Variants in STAG1 observed in about 807,000 individuals in gnomAD.
STAG1 encodes STAG1 cohesin complex component, also known as cohesin subunit SA-1.
Under a neutral mutation model 170.9 loss-of-function variants are expected in STAG1, and 26 were observed. That is an observed-to-expected ratio of 0.15 (90% confidence interval 0.11 to 0.21). STAG1 has a LOEUF of 0.21. STAG1 is among the 10% of genes least tolerant of loss of function. STAG1 has a pLI of 1.00. For synonymous variants in STAG1, 514 were observed against 497.7 expected (o/e 1.03, Z -0.44); for missense variants, 964 against 1,509.5 (o/e 0.64, Z 5.99).
At chr3:136,412,209 A>T (rs1451908585) in intron 21 of STAG1, among the ~76,000 whole-genome samples, 2 of 152,162 alleles carry the variant, frequency 1.3e-5, no homozygotes, top group Non-Finnish European at 2.9e-5. Flanking sequence ...TTTTTTTAAA[A>T]GGAATTCAGA....
At chr3:136,575,639 T>C (rs1264956896) in intron 4 of STAG1, among the ~76,000 whole-genome samples, 1 of 152,216 alleles carries the variant, frequency 6.6e-6, no homozygotes. Flanking sequence ...GCTATAGCTT[T>C]AGAACATCTG....
intron 1 of STAG1, among the ~76,000 whole-genome samples, chr3:136,733,667 G>C (rs1217681211): frequency 6.6e-6 from 1 of 152,218 alleles, no homozygotes; most frequent in Non-Finnish European, 1.5e-5. Context: ...TGCTTCATCT[G>C]TGAACACATG....
Position 136,396,221 on chromosome 3 carries a change from T to TTTG in STAG1, c.2277+2527_2277+2528insCAA, listed in dbSNP as rs2087150123. 1.4e-5 allele frequency among the ~76,000 whole-genome samples: 2 copies of TTTG among 144,890 alleles called. 1 individual carries two copies. The highest frequency in any genetic ancestry group is 4.6e-4 in the South Asian group (2 of 4,350). On this transcript the variant is annotated intron_variant, in intron 22 of 33. Coordinates refer to ENST00000383202, the MANE Select transcript of STAG1 (RefSeq NM_005862.3). ...CCAGTGTAACACAGTTTTTTTTTTT[T>TTTG]TTTTTTTTTTTTGAGACAGAGTCTC...
intron 13 of STAG1, among the ~76,000 whole-genome samples, chr3:136,454,714 A>T (rs751350681): frequency 6.6e-6 from 1 of 152,186 alleles, no homozygotes; most frequent in Non-Finnish European, 1.5e-5. Flanking sequence ...TATTGCATAT[A>T]AATAAGGTAT....
At chr3:136,565,011 A>AAGGCAGGCAGGC (rs1553746573) in intron 5 of STAG1, among the ~76,000 whole-genome samples, 22 of 45,426 alleles carry the variant, frequency 4.8e-4, no homozygotes, top group Non-Finnish European at 7.2e-4. Flanking sequence ...GGAAGGAAGG[A>AAGGCAGGCAGGC]AGGCAGGCAG....
At chr3:136,444,727 G>A (rs2088727160) in intron 14 of STAG1, among the ~76,000 whole-genome samples, 1 of 152,168 alleles carries the variant, frequency 6.6e-6, no homozygotes, top group African/African-American at 2.4e-5. Context: ...CTCATCATAA[G>A]TAGTGGCCCA....
chr3:136,452,615 A>T (rs922210207), intron 13 of STAG1, among the ~76,000 whole-genome samples: 2 of 151,986 alleles, frequency 1.3e-5, no homozygotes, highest in Non-Finnish European at 2.9e-5. Flanking sequence ...TATGTAACTG[A>T]TGTCATTATA....
intron 5 of STAG1, among the ~76,000 whole-genome samples, chr3:136,548,905 G>T (rs1936269867): frequency 6.6e-6 from 1 of 152,104 alleles, no homozygotes; most frequent in South Asian, 2.1e-4. Flanking sequence ...GTTTCAAAGT[G>T]TATAGTACCT....
At chr3:136,435,239 G>A (rs1284790915) in intron 15 of STAG1, among the ~76,000 whole-genome samples, 2 of 152,012 alleles carry the variant, frequency 1.3e-5, no homozygotes, top group South Asian at 2.1e-4. Context: ...TCTAAAGCAC[G>A]ATCATAAGTG....
chr3:136,518,058 CT>C (rs1934474003), intron 7 of STAG1: 1 of 228,234 alleles, frequency 4.4e-6, no homozygotes, highest in Non-Finnish European at 8.4e-6. Flanking sequence ...ATAAAAAAAA[CT>C]TTTAATAAAA....
intron 1 of STAG1, among the ~76,000 whole-genome samples, chr3:136,665,842 G>A (rs1015395634): frequency 1.0e-4 from 15 of 149,880 alleles, no homozygotes; most frequent in Admixed American, 7.4e-4. Flanking sequence ...TTGGGAGGCC[G>A]AGGCAAACAG....
At chr3:136,544,977 A>T (rs1026535569) in intron 5 of STAG1, among the ~76,000 whole-genome samples, 1 of 152,156 alleles carries the variant, frequency 6.6e-6, no homozygotes, top group Admixed American at 6.5e-5. Flanking sequence ...AATAAAATGT[A>T]ATCTAGTTAT....
At chr3:136,583,951 T>A (rs1309703953) in intron 4 of STAG1, among the ~76,000 whole-genome samples, 2 of 152,140 alleles carry the variant, frequency 1.3e-5, no homozygotes, top group African/African-American at 4.8e-5. Flanking sequence ...CATAGTATTT[T>A]CCCCACTGTA....
intron 5 of STAG1, among the ~76,000 whole-genome samples, chr3:136,546,353 C>T (rs1936154731): frequency 6.6e-6 from 1 of 152,020 alleles, no homozygotes; most frequent in Admixed American, 6.6e-5. Flanking sequence ...ACCTATGAAC[C>T]ATTTTAAAAC....
chr3:136,478,124 A>C (rs1446072259), intron 9 of STAG1, among the ~76,000 whole-genome samples: 1 of 152,318 alleles, frequency 6.6e-6, no homozygotes, highest in East Asian at 1.9e-4. Flanking sequence ...GCACACATGT[A>C]ATGAATTAAA....
intron 22 of STAG1, among the ~76,000 whole-genome samples, chr3:136,381,942 T>C (rs966524211): frequency 6.6e-6 from 1 of 152,192 alleles, no homozygotes. Context: ...AACCTTCCAG[T>C]ATTCAAAGGA....
chr3:136,710,286 T>C (rs891781727), intron 1 of STAG1, among the ~76,000 whole-genome samples: 7 of 152,194 alleles, frequency 4.6e-5, no homozygotes, highest in African/African-American at 1.7e-4. Flanking sequence ...TTTCACACAG[T>C]AATACAGTCT....
intron 4 of STAG1, among the ~76,000 whole-genome samples, chr3:136,577,566 C>A (rs922708698): frequency 6.6e-6 from 1 of 152,114 alleles, no homozygotes; most frequent in East Asian, 1.9e-4. Context: ...TACTAGCCTT[C>A]TTAAGCTTGA....
intron 21 of STAG1, among the ~76,000 whole-genome samples, chr3:136,415,853 A>G (rs2087756793): frequency 1.3e-5 from 2 of 152,154 alleles, no homozygotes; most frequent in Admixed American, 6.5e-5. Context: ...GTGGTTAAAT[A>G]CAGAATTTCT....
Sources: allele counts gnomAD v4.1 joint callset (sites outside exome capture counted in the v4.1 genomes callset), GRCh38; gene constraint gnomAD v4.1.1; transcripts MANE v1.5; gene names NCBI Gene and HGNC (gene_info 2026-07-23, HGNC 2026-07-21).